The following KRTAP6-1 variants were observed in gnomAD, a reference collection of about 807,000 sequenced individuals.
KRTAP6-1 encodes the protein keratin associated protein 6-1.
In KRTAP6-1, 2 loss-of-function variants were observed where a neutral mutation model predicts 1.6. The observed-to-expected ratio is 1.22, with a 90% CI of 0.50 to 3.85. The LOEUF (loss-of-function observed/expected upper bound fraction) is 3.85. KRTAP6-1 is among the 30% of genes most tolerant of loss of function. The pLI is 0.07. For missense variants in KRTAP6-1, 78 were observed against 87.7 expected, an observed-to-expected ratio of 0.89 and a Z score of 0.44; for synonymous variants, 38 against 38.5, an observed-to-expected ratio of 0.99 and a Z score of 0.05.
chr21:30,613,612 A>T (rs1980617445), exon 1 of KRTAP6-1: 2 of 1,596,250 alleles, frequency 1.3e-6, no homozygotes, highest in African/African-American at 1.3e-5. Flanking sequence ...TCAAGGGAAA[A>T]TCTCAGAACA....
chr21:30,613,832 AG>A, the KRTAP6-1 span: 92 of 1,614,004 alleles, frequency 5.7e-5, no homozygotes, highest in Non-Finnish European at 7.6e-5. Context: ...CCATAGCCAT[AG>A]CCCAGGCCTC....
At chr21:30,613,850 C>T (rs1186241282) in exon 1 of KRTAP6-1, 3 of 1,614,150 alleles carry the variant, frequency 1.9e-6, no homozygotes, top group South Asian at 1.1e-5. Context: ...CCTCCATAGC[C>T]ACAGAACCCA....
exon 1 of KRTAP6-1, chr21:30,613,687 C>T: frequency 6.2e-7 from 1 of 1,614,110 alleles, no homozygotes; most frequent in South Asian, 1.1e-5. Flanking sequence ...CCCATGGCAT[C>T]CTCAATAATA....
chr21:30,613,861 T>C, exon 1 of KRTAP6-1: 1 of 1,614,088 alleles, frequency 6.2e-7, no homozygotes, highest in Non-Finnish European at 8.5e-7. Flanking sequence ...ACAGAACCCA[T>C]AGCCAGGGGT....
At chr21:30,613,511 C>G in exon 1 of KRTAP6-1, 1 of 1,295,002 alleles carries the variant, frequency 7.7e-7, no homozygotes, top group Non-Finnish European at 1.0e-6. Context: ...TTTACCTTAT[C>G]CCGTTTCATG....
exon 1 of KRTAP6-1, chr21:30,613,907 T>C: frequency 1.2e-6 from 2 of 1,614,002 alleles, no homozygotes; most frequent in Non-Finnish European, 1.7e-6. Context: ...CCACACATGG[T>C]GTTGGTTGTG....
At position 30,613,732 on chromosome 21, in the gene KRTAP6-1, C is replaced by T. The variant is rs1980622213; in HGVS notation, c.173G>A (p.Gly58Asp). The T allele has an allele frequency of 1.2e-5, 19 of 1,614,098 alleles. No individual in the cohort carries two copies. The East Asian group carries it at 4.0e-4, about 34-fold the overall frequency. The change falls in exon 1 of 1, where the codon GGC (glycine) becomes GAC (aspartate). Residue 58 changes from glycine to aspartate, a missense_variant. Physicochemically the swap from Gly to Asp is moderately conservative, Grantham distance 94 (BLOSUM62 -1). Transcript: ENST00000329122. ...GCCAGAGCCGCATCCATAGCCATAG[C>T]CACAGAGGGAGCGGGAGCCATAGCC...
chr21:30,613,654 C>T, exon 1 of KRTAP6-1: 1 of 1,613,034 alleles, frequency 6.2e-7, no homozygotes, highest in Non-Finnish European at 8.5e-7. Context: ...ATCTCAGTAT[C>T]ACAGGATAGA....
exon 1 of KRTAP6-1, chr21:30,613,659 G>C: frequency 1.2e-6 from 2 of 1,613,824 alleles, no homozygotes; most frequent in Non-Finnish European, 1.7e-6. Flanking sequence ...AGTATCACAG[G>C]ATAGAGGGTG....
At chr21:30,613,789 C>T in exon 1 of KRTAP6-1, 1 of 1,613,632 alleles carries the variant, frequency 6.2e-7, no homozygotes, top group South Asian at 1.1e-5. Flanking sequence ...GAAGCCACAG[C>T]CACAGCAGGA....
exon 1 of KRTAP6-1, chr21:30,613,456 G>C: frequency 6.4e-6 from 5 of 785,906 alleles, no homozygotes; most frequent in Non-Finnish European, 9.6e-6. Flanking sequence ...CAAGGCAGAT[G>C]ATGTGACACC....
exon 1 of KRTAP6-1, chr21:30,613,463 C>T (rs1397903805): frequency 4.8e-6 from 4 of 833,882 alleles, no homozygotes; most frequent in Non-Finnish European, 3.6e-6. Context: ...GATGATGTGA[C>T]ACCATCATTC....
the KRTAP6-1 span, chr21:30,613,725 GC>G: frequency 6.2e-7 from 1 of 1,614,098 alleles, no homozygotes; most frequent in Non-Finnish European, 8.5e-7. Context: ...CGCATCCATA[GC>G]CATAGCCACA....
chr21:30,613,536 T>C, exon 1 of KRTAP6-1: 1 of 1,410,970 alleles, frequency 7.1e-7, no homozygotes, highest in Non-Finnish European at 9.4e-7. Flanking sequence ...AAATTCAAGA[T>C]ATTTGTAGGT....
At chr21:30,613,623 T>C in exon 1 of KRTAP6-1, 5 of 1,604,780 alleles carry the variant, frequency 3.1e-6, no homozygotes, top group Non-Finnish European at 4.3e-6. Flanking sequence ...TCTCAGAACA[T>C]GTGGGCTTCA....
At chr21:30,613,579 C>T in exon 1 of KRTAP6-1, 1 of 1,558,770 alleles carries the variant, frequency 6.4e-7, no homozygotes, top group Non-Finnish European at 8.7e-7. Context: ...CCATATTAGA[C>T]TTCCATTGCA....
chr21:30,613,699 T>TAGCCAG lies in KRTAP6-1; in HGVS notation c.200_205dup (p.Ser67_Gly68dup), dbSNP rs747123395. The TAGCCAG allele has an allele frequency of 2.5e-5, 41 of 1,613,954 alleles. No homozygotes were observed. The Middle Eastern group carries it at 6.6e-4, about 26-fold the overall frequency. Reference sequence around the variant, plus strand: ...TCTCCCATGGCATCCTCAATAATAGTAGCCAGAGCCAGAGCCGCATCCATA... The same window carrying TAGCCAG: ...TCTCCCATGGCATCCTCAATAATAGTAGCCAGAGCCAGAGCCAGAGCCGCATCCATA... On this transcript the variant is annotated inframe_insertion, in exon 1 of 1. Transcript: ENST00000329122.
rs1182146452 is a variant in KRTAP6-1 at position 30,613,796 on chromosome 21, A to T, written c.109T>A (p.Cys37Ser). Reference sequence around the variant, plus strand: ...AGTCTGCGGAAGCCACAGCCACAGCAGGAGCCATAGCCACAGCCCAGGCCT... The same window carrying T: ...AGTCTGCGGAAGCCACAGCCACAGCTGGAGCCATAGCCACAGCCCAGGCCT... The change falls in exon 1 of 1, where the codon TGC becomes AGC. Residue 37 changes from cysteine (C) to serine (S), a missense_variant. Transcript: ENST00000329122. The T allele has an allele frequency of 4.3e-6, 7 of 1,613,490 alleles. No individual in the cohort carries two copies. The South Asian group carries it at 6.6e-5, about 15-fold the overall frequency.
chr21:30,613,597 A>G (rs1980617073), exon 1 of KRTAP6-1: 2 of 1,585,014 alleles, frequency 1.3e-6, no homozygotes, highest in South Asian at 2.3e-5. Flanking sequence ...GCAGGATATC[A>G]TCACTCAAGG....
Sources: allele counts gnomAD v4.1 joint callset, GRCh38; gene constraint gnomAD v4.1.1; transcripts MANE v1.5; gene names NCBI Gene and HGNC (gene_info 2026-07-23, HGNC 2026-07-21).